The following OTOP1 variants were observed in gnomAD, a reference collection of about 807,000 sequenced individuals.
The protein encoded by OTOP1 is otopetrin 1.
A neutral mutation model predicts 52.9 loss-of-function variants in OTOP1; 59 were observed. The ratio of observed to expected loss-of-function variants is 1.12; its 90% CI spans 0.91 to 1.39. The LOEUF (loss-of-function observed/expected upper bound fraction) is 1.39. OTOP1 is among the 40% of genes most tolerant of loss of function. The pLI is 0.00. For missense variants in OTOP1, 761 were observed against 800.9 expected (o/e 0.95, Z 0.60); for synonymous variants, 317 against 337.7 (o/e 0.94, Z 0.67).
At chr4:4,200,317 T>C (rs1361313574) in intron 4 of OTOP1, among the ~76,000 whole-genome samples, 3 of 151,458 alleles carry the variant, frequency 2.0e-5, no homozygotes, top group Non-Finnish European at 4.4e-5. Context: ...CTACTAAAAA[T>C]ACAAAAAATT....
At chr4:4,210,497 G>C (rs541337087) in intron 2 of OTOP1, among the ~76,000 whole-genome samples, 15 of 152,144 alleles carry the variant, frequency 9.9e-5, no homozygotes, top group Non-Finnish European at 2.2e-4. Flanking sequence ...TTACATGGCT[G>C]TCTCTCTGTG....
At chr4:4,214,768 T>A (rs1462194181) in intron 1 of OTOP1, among the ~76,000 whole-genome samples, 1 of 152,054 alleles carries the variant, frequency 6.6e-6, no homozygotes, top group Admixed American at 6.6e-5. Flanking sequence ...TAGACAGAAG[T>A]AGAATGGTGG....
intron 4 of OTOP1, among the ~76,000 whole-genome samples, chr4:4,201,567 A>G (rs1194360377): frequency 2.0e-5 from 3 of 152,060 alleles, no homozygotes; most frequent in Non-Finnish European, 4.4e-5. Flanking sequence ...CCAAACACCA[A>G]GAGTGGCTGC....
intron 5 of OTOP1, among the ~76,000 whole-genome samples, chr4:4,190,536 C>A: frequency 6.6e-6 from 1 of 152,178 alleles, no homozygotes; most frequent in Non-Finnish European, 1.5e-5. Context: ...TGAATATGTA[C>A]AAACTTTCTT....
In OTOP1 at chr4:4,191,482, C is replaced by T. The variant is rs142450570; in HGVS notation, c.1669-2509G>A. Reference sequence around the variant, plus strand: ...CTGTTAGCTGATTTCTAACCACCCACGCTTCTCCCCACTCACCCCACCCAC... The same window carrying T: ...CTGTTAGCTGATTTCTAACCACCCATGCTTCTCCCCACTCACCCCACCCAC... On this transcript the variant is annotated intron_variant, in intron 5 of 5. Coordinates refer to ENST00000296358, the MANE Select transcript of OTOP1 (RefSeq NM_177998.3). 7.9e-3 allele frequency among the ~76,000 whole-genome samples: 1,196 copies of T among 152,308 alleles called. 18 individuals carry two copies. The highest frequency in any genetic ancestry group is 0.027 in the African/African-American group (1,122 of 41,552).
chr4:4,202,328 G>C (rs1716805608), intron 4 of OTOP1, 120 bp downstream of exon 4: 11 of 1,393,176 alleles, frequency 7.9e-6, no homozygotes, highest in Non-Finnish European at 1.1e-5. Flanking sequence ...GGCTGATGCT[G>C]AGTTGGGTGG....
chr4:4,200,742 G>C (rs1314692775), intron 4 of OTOP1, among the ~76,000 whole-genome samples: 1 of 44,860 alleles, frequency 2.2e-5, no homozygotes, highest in East Asian at 4.1e-4. Context: ...TTTTTTTTCA[G>C]AGCTGGGGTC....
chr4:4,215,117 T>A (rs1457117837), intron 1 of OTOP1, among the ~76,000 whole-genome samples: 2 of 151,904 alleles, frequency 1.3e-5, no homozygotes, highest in East Asian at 3.9e-4. Context: ...ACATAATAAT[T>A]ATTTCTAAAT....
At chr4:4,224,840 A>G (rs1237743166) in intron 1 of OTOP1, among the ~76,000 whole-genome samples, 1 of 124,728 alleles carries the variant, frequency 8.0e-6, no homozygotes, top group African/African-American at 3.1e-5. Context: ...AAAGGGGGCC[A>G]TGGTGGCCCA....
At chr4:4,217,088 G>C (rs1036971588) in intron 1 of OTOP1, among the ~76,000 whole-genome samples, 36 of 152,174 alleles carry the variant, frequency 2.4e-4, no homozygotes, top group African/African-American at 8.7e-4. Flanking sequence ...GACTTGTCAA[G>C]GGTTCAGGAA....
intron 2 of OTOP1, among the ~76,000 whole-genome samples, chr4:4,209,039 C>T (rs749252203): frequency 3.3e-5 from 5 of 152,186 alleles, no homozygotes; most frequent in Admixed American, 1.3e-4. Context: ...GGCAAGTGTA[C>T]TTCCAAGAGC....
rs1268061874 is a variant in OTOP1, at chr4:4,197,979, G to A, written c.855C>T (p.Leu285=). 7.4e-6 allele frequency: 12 copies of A among 1,614,008 alleles called. No homozygotes were observed. Among genetic ancestry groups the A allele is most frequent in the Non-Finnish European group, 9.3e-6 (11 of 1,180,032 alleles). Residue 285 remains leucine (L), a synonymous_variant, in exon 5 of 6, where the codon CTC becomes CTT. Coordinates refer to ENST00000296358, the MANE Select transcript of OTOP1 (RefSeq NM_177998.3). ...GCCCGATGTTCTTCCACAGGACGTA[G>A]AGCATTGTGGAGGCCAGGATCTGAT... The part of the protein sequence containing the change: ...IEYQILASTM[L]YVLWKNIGRK...
chr4:4,200,154 C>T lies in OTOP1; in HGVS notation c.731-2051G>A, dbSNP rs2004587. Among the ~76,000 whole-genome samples the T allele has an allele frequency of 5.3e-5, 8 of 152,050 alleles. No homozygotes were observed. The East Asian group carries it at 1.5e-3, about 29-fold the overall frequency. On this transcript the variant is annotated intron_variant, in intron 4 of 5. Coordinates refer to ENST00000296358, the MANE Select transcript of OTOP1 (RefSeq NM_177998.3). ...AAGTGTTGTGGATTTTTTTGCTTCACACTTTGTCATTGTTTTAGTTTATGA... is the reference window on the plus strand; with the variant it reads ...AAGTGTTGTGGATTTTTTTGCTTCATACTTTGTCATTGTTTTAGTTTATGA...
chr4:4,220,105 A>ATATATATTTTTT (rs1434375771), intron 1 of OTOP1, among the ~76,000 whole-genome samples: 3 of 59,396 alleles, frequency 5.1e-5, no homozygotes, highest in African/African-American at 1.5e-4. Context: ...ATATATATAT[A>ATATATATTTTTT]TTTTTTTTTT....
intron 2 of OTOP1, 55 bp from the exon 3 acceptor site, chr4:4,206,185 T>G (rs1258349388): frequency 7.1e-7 from 1 of 1,399,344 alleles, no homozygotes; most frequent in African/African-American, 1.4e-5. Context: ...ATCTTTACAC[T>G]TGCAAACTTG....
intron 2 of OTOP1, among the ~76,000 whole-genome samples, chr4:4,210,951 G>A (rs1282848260): frequency 6.6e-6 from 1 of 152,178 alleles, no homozygotes; most frequent in Non-Finnish European, 1.5e-5. Flanking sequence ...CAGGTACTGA[G>A]AATGAGGGTT....
chr4:4,220,230 C>A (rs764511445), intron 1 of OTOP1, among the ~76,000 whole-genome samples: 5 of 150,206 alleles, frequency 3.3e-5, no homozygotes, highest in Non-Finnish European at 5.9e-5. Context: ...AGCCTCCCTG[C>A]TTTATATATT....
chr4:4,189,724 G>A (rs555948142), intron 5 of OTOP1, among the ~76,000 whole-genome samples: 1 of 152,368 alleles, frequency 6.6e-6, no homozygotes, highest in South Asian at 2.1e-4. Flanking sequence ...AGGTGGCAGA[G>A]CTGCCATGCT....
At chr4:4,199,220 TTG>T (rs151144007) in intron 4 of OTOP1, among the ~76,000 whole-genome samples, 9 of 54,218 alleles carry the variant, frequency 1.7e-4, no homozygotes, top group Admixed American at 4.4e-4. Context: ...TCAGGTAAAA[TTG>T]TGTGTGTGTG....
Sources: allele counts gnomAD v4.1 joint callset (sites outside exome capture counted in the v4.1 genomes callset), GRCh38; gene constraint gnomAD v4.1.1; transcripts MANE v1.5; gene names NCBI Gene and HGNC (gene_info 2026-07-23, HGNC 2026-07-21).